Variants in FAM178B observed in about 807,000 individuals in gnomAD.
FAM178B encodes protein FAM178B.
A neutral mutation model predicts 91.7 loss-of-function variants in FAM178B; 82 were observed. That is an observed-to-expected ratio of 0.89 (90% CI 0.75 to 1.07). The LOEUF is 1.07. Among genes scored for constraint, FAM178B ranks in the 50% least tolerant of loss-of-function variants. FAM178B has a pLI of 0.00. For synonymous variants in FAM178B, 368 were observed against 359.4 expected (o/e 1.02, Z -0.27); for missense variants, 769 against 846.7 (o/e 0.91, Z 1.14).
At chr2:96,876,452 A>AC in intron 16 of FAM178B, 144 bp from the exon 17 acceptor site, 1 of 1,031,378 alleles carries the variant, frequency 9.7e-7, no homozygotes, top group Non-Finnish European at 1.4e-6. Context: ...CTGGGTTCAC[A>AC]CTACTGGCGA....
intron 8 of FAM178B, among the ~76,000 whole-genome samples, chr2:96,938,583 G>A (rs887508406): frequency 5.9e-5 from 9 of 152,164 alleles, no homozygotes; most frequent in African/African-American, 2.2e-4. Context: ...GCTGTCCACC[G>A]GGAGACGCAG....
intron 12 of FAM178B, among the ~76,000 whole-genome samples, chr2:96,911,967 GC>G (rs2153370117): frequency 6.6e-6 from 1 of 152,324 alleles, no homozygotes; most frequent in East Asian, 1.9e-4. Context: ...TCATTTGGGA[GC>G]TGCTAGCATG....
intron 12 of FAM178B, among the ~76,000 whole-genome samples, chr2:96,910,440 C>T (rs913075543): frequency 6.6e-6 from 1 of 152,228 alleles, no homozygotes; most frequent in African/African-American, 2.4e-5. Context: ...AAAAACTGTT[C>T]TCCTTGACAA....
intron 13 of FAM178B, among the ~76,000 whole-genome samples, chr2:96,899,851 C>CTT (rs78433909): frequency 2.5e-4 from 28 of 113,500 alleles, no homozygotes; most frequent in Admixed American, 4.2e-4. Context: ...ATTCCCCACT[C>CTT]TTTTTTTTTT....
intron 13 of FAM178B, 47 bp downstream of exon 13, chr2:96,902,573 G>A (rs2080954340): frequency 7.4e-7 from 1 of 1,350,096 alleles, no homozygotes. Context: ...AGCCTCCAGA[G>A]CCCGCAGGCC....
intron 12 of FAM178B, among the ~76,000 whole-genome samples, chr2:96,909,870 C>T (rs900605389): frequency 1.3e-4 from 20 of 152,190 alleles, no homozygotes; most frequent in Non-Finnish European, 4.4e-5. Context: ...TGGGCCTGCC[C>T]TGGCCAACCT....
intron 2 of FAM178B, 35 bp from the exon 3 acceptor site, chr2:96,972,357 C>T (rs2082234225): frequency 6.8e-7 from 1 of 1,466,438 alleles, no homozygotes; most frequent in Admixed American, 2.6e-5. Context: ...GTCCCTCTGC[C>T]CACCTGCCAC....
rs115365682 is a variant in FAM178B, at chr2:96,924,975, A to G, written c.1194-1392T>C. Among the ~76,000 whole-genome samples the G allele has an allele frequency of 2.8e-3, 421 of 151,974 alleles. 4 individuals carry two copies. Among genetic ancestry groups the G allele is most frequent in the African/African-American group, 9.6e-3 (400 of 41,468 alleles). ...CCAGGAAGTTGGTGCCGACAAACCA[A>G]ACTTGGTGGGGGAGTGGAAACTGTG... On this transcript the variant is annotated intron_variant, in intron 9 of 16. Coordinates refer to ENST00000490605, the MANE Select transcript of FAM178B (RefSeq NM_001122646.3).
At chr2:96,910,018 T>C (rs1372550254) in intron 12 of FAM178B, among the ~76,000 whole-genome samples, 1 of 152,194 alleles carries the variant, frequency 6.6e-6, no homozygotes, top group Non-Finnish European at 1.5e-5. Flanking sequence ...GAACCCAGCC[T>C]ATGGTGACAG....
intron 12 of FAM178B, among the ~76,000 whole-genome samples, chr2:96,916,344 T>C (rs1255041633): frequency 3.3e-5 from 5 of 152,220 alleles, no homozygotes. Flanking sequence ...TCTACGTCAT[T>C]GTCAGGGCTG....
intron 15 of FAM178B, 106 bp from the exon 16 acceptor site, chr2:96,878,148 G>C: frequency 8.0e-7 from 1 of 1,257,146 alleles, no homozygotes; most frequent in Non-Finnish European, 1.1e-6. Flanking sequence ...GCACATTTGA[G>C]TGACTGTTCA....
At position 96,912,719 on chromosome 2, in the gene FAM178B, C is replaced by A. The variant is rs1194986429; in HGVS notation, c.1562+8446G>T. The stretch of plus-strand genomic sequence containing the variant: ...GGCCTGACCGCCGCCCACCTTCACG[C>A]TGCTGTCTGCCTCCCAGCTCCAGCC... On this transcript the variant is annotated intron_variant, in intron 12 of 16. Coordinates refer to ENST00000490605, the MANE Select transcript of FAM178B (RefSeq NM_001122646.3). Among the ~76,000 whole-genome samples, 4 of 152,362 alleles carry A rather than the reference C, an allele frequency of 2.6e-5. No homozygotes were observed. In the East Asian group the frequency reaches 7.7e-4, roughly 29 times the overall value.
intron 8 of FAM178B, among the ~76,000 whole-genome samples, chr2:96,931,130 TTGACAA>T (rs2081532732): frequency 6.6e-6 from 1 of 152,082 alleles, no homozygotes; most frequent in Non-Finnish European, 1.5e-5. Flanking sequence ...GATGTTAAAT[TTGACAA>T]TGGGTGGGGC....
chr2:96,985,128 A>T (rs1244005045), intron 1 of FAM178B, among the ~76,000 whole-genome samples: 1 of 152,216 alleles, frequency 6.6e-6, no homozygotes. Flanking sequence ...CAGTGCCTAC[A>T]GTACGTGTCC....
At chr2:96,983,679 C>T (rs1223868451) in intron 1 of FAM178B, among the ~76,000 whole-genome samples, 2 of 152,116 alleles carry the variant, frequency 1.3e-5, no homozygotes, top group African/African-American at 4.8e-5. Context: ...GTCACCTCAG[C>T]TAACAAAGCG....
intron 5 of FAM178B, among the ~76,000 whole-genome samples, chr2:96,960,891 G>A (rs937127980): frequency 2.0e-5 from 3 of 152,120 alleles, no homozygotes; most frequent in Admixed American, 6.5e-5. Context: ...TGTCGGGGAC[G>A]GCATCCTGGG....
At chr2:96,894,304 A>C (rs1224609044) in intron 13 of FAM178B, among the ~76,000 whole-genome samples, 4 of 144,958 alleles carry the variant, frequency 2.8e-5, no homozygotes, top group East Asian at 2.1e-4. Flanking sequence ...CGCCCCACCC[A>C]CACACACACA....
intron 13 of FAM178B, among the ~76,000 whole-genome samples, chr2:96,901,427 G>A (rs767137607): frequency 6.6e-6 from 1 of 152,080 alleles, no homozygotes; most frequent in Non-Finnish European, 1.5e-5. Context: ...GCCCACCTCG[G>A]CCTCCCAAAG....
intron 14 of FAM178B, among the ~76,000 whole-genome samples, chr2:96,887,622 T>C (rs1049668413): frequency 6.6e-6 from 1 of 152,122 alleles, no homozygotes; most frequent in Non-Finnish European, 1.5e-5. Context: ...AATGTCGCAG[T>C]GTGATGTGCA....
Sources: gnomAD v4.1 joint callset for allele counts (sites outside exome capture counted in the v4.1 genomes callset) on GRCh38, gnomAD v4.1.1 for gene constraint, MANE v1.5 for transcripts, NCBI Gene and HGNC (gene_info 2026-07-23, HGNC 2026-07-21) for gene names.